MTRR: variants seen among roughly 807,000 people sequenced by gnomAD.
MTRR encodes methionine synthase reductase.
A neutral mutation model predicts 79.2 loss-of-function variants in MTRR; 63 were observed. The observed-to-expected ratio is 0.80, with a 90% CI of 0.65 to 0.98. MTRR has a LOEUF of 0.98. Among genes scored for constraint, MTRR ranks in the 50% least tolerant of loss-of-function variants. The pLI, the probability that MTRR is intolerant of heterozygous loss-of-function variation, is 0.00. For synonymous variants in MTRR, 355 were observed against 313.3 expected (o/e 1.13, Z -1.41); for missense variants, 895 against 839.6 (o/e 1.07, Z -0.82).
At chr5:7,877,618 T>C (rs775394584) in intron 4 of MTRR, among the ~76,000 whole-genome samples, 38 of 152,096 alleles carry the variant, frequency 2.5e-4, no homozygotes, top group Non-Finnish European at 4.4e-4. Context: ...TTTAAAATTA[T>C]ATCTTCTTAA....
rs183309066 is a variant in MTRR, at chr5:7,855,368, A to T, written n.391+3783A>T. Among the ~76,000 whole-genome samples, 21 of 151,872 alleles carry T rather than the reference A, an allele frequency of 1.4e-4. No individual in the cohort carries two copies. In the East Asian group the frequency reaches 3.9e-3, roughly 28 times the overall value. On this transcript the variant is annotated intron_variant and non_coding_transcript_variant, in intron 1 of 3. Coordinates refer to the MTRR transcript ENST00000502509. ...ATCAATTATAGATGAATACTGAAGT[A>T]TTTAGGATAAAATAATATGATAGCT...
intron 2 of MTRR, among the ~76,000 whole-genome samples, chr5:7,871,630 C>G (rs910945100): frequency 3.3e-5 from 5 of 152,206 alleles, no homozygotes; most frequent in Admixed American, 6.5e-5. Context: ...TGCCAGTGCT[C>G]TCTCACCCAA....
Position 7,873,440 on chromosome 5 carries a change from C to G in MTRR, c.197C>G (p.Pro66Arg). The G allele has an allele frequency of 6.2e-7, 1 of 1,614,142 alleles. No homozygotes were observed. The highest frequency in any genetic ancestry group is 8.5e-7 in the Non-Finnish European group (1 of 1,180,026). The change falls in exon 3 of 15, where the codon CCC becomes CGC. Residue 66 changes from proline (P) to arginine (R), a missense_variant. Coordinates refer to ENST00000440940, the MANE Select transcript of MTRR (RefSeq NM_002454.3). ...VVSTTGTGDP[P>R]DTARKFVKEI... ...TCTACCACGGGCACCGGAGACCCACCCGACACAGCCCGCAAGTTTGTTAAG... is the reference window on the plus strand; with the variant it reads ...TCTACCACGGGCACCGGAGACCCACGCGACACAGCCCGCAAGTTTGTTAAG...
chr5:7,865,340 CAAGTA>C (rs1025885423), upstream of MTRR, among the ~76,000 whole-genome samples: 1 of 152,008 alleles, frequency 6.6e-6, no homozygotes, highest in Non-Finnish European at 1.5e-5. Context: ...GATTCAGAGT[CAAGTA>C]GAGAGAAGCA....
At position 7,878,203 on chromosome 5, in the gene MTRR, A is replaced by G. The variant is rs372359132; in HGVS notation, c.661A>G (p.Ile221Val). The stretch of plus-strand genomic sequence containing the variant: ...GAACAGCAACCAATCCAATGTTGTA[A>G]TTGAAGACTTTGAGTCCTCACTTAC... ...AVNSNQSNVVIEDFESSLTRS... is the reference protein window; with the variant it reads ...AVNSNQSNVVVEDFESSLTRS... Residue 221 changes from isoleucine (I) to valine (V), a missense_variant, in exon 5 of 15, where the codon ATT becomes GTT. Physicochemically the swap from Ile to Val is conservative, Grantham distance 29 (BLOSUM62 3). Transcript: ENST00000440940. The G allele has an allele frequency of 4.0e-5, 64 of 1,614,056 alleles. No homozygotes were observed. The highest frequency in any genetic ancestry group is 5.4e-5 in the Non-Finnish European group (64 of 1,180,054).
At chr5:7,867,289 T>C (rs1372994548), upstream of MTRR, 2 of 1,613,786 alleles carry the variant, frequency 1.2e-6, no homozygotes, top group Non-Finnish European at 1.7e-6. Context: ...TTTCAGTACA[T>C]GCCTGCAAGA....
chr5:7,866,726 T>C, upstream of MTRR: 1 of 1,613,768 alleles, frequency 6.2e-7, no homozygotes, highest in Non-Finnish European at 8.5e-7. Context: ...TGAACATGAA[T>C]GAAGAAGTTT....
At chr5:7,871,054 C>T in intron 2 of MTRR, 131 bp downstream of exon 2, 1 of 1,080,400 alleles carries the variant, frequency 9.3e-7, no homozygotes, top group Non-Finnish European at 1.4e-6. Flanking sequence ...TGTGTTTGTT[C>T]AATGGTATAG....
At chr5:7,868,647 GAAGGA>G, upstream of MTRR, among the ~76,000 whole-genome samples, 2 of 152,258 alleles carry the variant, frequency 1.3e-5, no homozygotes, top group South Asian at 4.1e-4. Flanking sequence ...GGTTAGTGTT[GAAGGA>G]AAGGGTCTAC....
chr5:7,873,600 C>A, intron 3 of MTRR, 74 bp downstream of exon 3: 1 of 1,523,970 alleles, frequency 6.6e-7, no homozygotes, highest in Non-Finnish European at 9.1e-7. Flanking sequence ...TCTTTCAGAA[C>A]TATGAAGTGT....
intron 14 of MTRR, among the ~76,000 whole-genome samples, chr5:7,898,753 G>T (rs1561298050): frequency 6.6e-6 from 1 of 152,152 alleles, no homozygotes; most frequent in Non-Finnish European, 1.5e-5. Context: ...TCACTGTGAG[G>T]GGCCAGGACA....
At chr5:7,880,173 C>T (rs1287907334) in intron 5 of MTRR, among the ~76,000 whole-genome samples, 2 of 152,226 alleles carry the variant, frequency 1.3e-5, no homozygotes, top group African/African-American at 2.4e-5. Flanking sequence ...ACTGTCCTGG[C>T]TACTCCTCGT....
intron 14 of MTRR, among the ~76,000 whole-genome samples, chr5:7,897,686 A>C (rs887335545): frequency 1.3e-5 from 2 of 152,204 alleles, no homozygotes; most frequent in Non-Finnish European, 2.9e-5. Context: ...GCTAGGCATA[A>C]TTCTTGGTGA....
At chr5:7,863,529 A>C (rs1746702740) in intron 2 of MTRR, among the ~76,000 whole-genome samples, 1 of 152,214 alleles carries the variant, frequency 6.6e-6, no homozygotes, top group Non-Finnish European at 1.5e-5. Context: ...TGAACTGGTA[A>C]ATATAATGAG....
At chr5:7,895,595 T>C (rs1738366273) in intron 11 of MTRR, 139 bp from the exon 12 acceptor site, 1 of 1,170,160 alleles carries the variant, frequency 8.5e-7, no homozygotes, top group African/African-American at 1.5e-5. Context: ...ATGGTTTCAA[T>C]AAAATCTGAT....
In MTRR at chr5:7,869,148, A is replaced by G. The variant is rs1305098608; in HGVS notation, c.-93A>G. 1 of 1,613,326 alleles carries G rather than the reference A, an allele frequency of 6.2e-7. No individual in the cohort carries two copies. The highest frequency in any genetic ancestry group is 8.5e-7 in the Non-Finnish European group (1 of 1,179,844). On this transcript the variant is annotated 5_prime_UTR_variant, in exon 1 of 15. Transcript: ENST00000440940. ...GGGTACCGAGCATGGGCGCTGCGTC[A>G]GTGCGCGCTGGCGCAAGGTTGGTGG...
intron 4 of MTRR, 136 bp from the exon 5 acceptor site, chr5:7,877,808 T>C: frequency 8.5e-7 from 1 of 1,170,980 alleles, no homozygotes; most frequent in Non-Finnish European, 1.2e-6. Context: ...AAGTATTTTT[T>C]GTATTCCGAA....
At chr5:7,878,578 A>G (rs1322040996) in intron 5 of MTRR, among the ~76,000 whole-genome samples, 5 of 152,270 alleles carry the variant, frequency 3.3e-5, no homozygotes, top group East Asian at 1.9e-4. Flanking sequence ...TGCCTAAGGC[A>G]TTTGGCCCCT....
In MTRR at chr5:7,869,179, G is replaced by T. The variant is rs1459352775; in HGVS notation, c.-62G>T. ...CGCTGGCGCAAGGTTGGTGGAAGTC[G>T]CGTTGTGCAGGTTCGTGCCCGGCTG... On this transcript the variant is annotated 5_prime_UTR_variant, in exon 1 of 15. Coordinates refer to ENST00000440940, the MANE Select transcript of MTRR (RefSeq NM_002454.3). 6 of 1,611,676 alleles carry T rather than the reference G, an allele frequency of 3.7e-6. No homozygotes were observed. The highest frequency in any genetic ancestry group is 4.2e-6 in the Non-Finnish European group (5 of 1,179,820).
Sources: allele counts gnomAD v4.1 joint callset (sites outside exome capture counted in the v4.1 genomes callset), GRCh38; gene constraint gnomAD v4.1.1; transcripts MANE v1.5; gene names NCBI Gene and HGNC (gene_info 2026-07-23, HGNC 2026-07-21).